CPA4: variants seen among roughly 807,000 people sequenced by gnomAD.
CPA4 encodes the protein carboxypeptidase A3.
Under a neutral mutation model 54.7 loss-of-function variants are expected in CPA4, and 49 were observed. The observed-to-expected ratio is 0.90, with a 90% CI of 0.71 to 1.14. CPA4 has a LOEUF of 1.14. CPA4 is among the 50% of genes most tolerant of loss of function. The pLI is 0.00. For missense variants in CPA4, 487 were observed against 525.1 expected (o/e 0.93, Z 0.71); for synonymous variants, 215 against 206.8 (o/e 1.04, Z -0.34).
Position 130,298,804 on chromosome 7 carries a change from C to T in CPA4, c.127C>T (p.Leu43=). The T allele has an allele frequency of 6.2e-7, 1 of 1,609,840 alleles. No homozygotes were observed. The highest frequency in any genetic ancestry group is 1.1e-5 in the South Asian group (1 of 90,982). ...NGDEISKLSQ[L]VNSNNLKLNF... ...AGACGAGATCAGCAAATTGAGTCAA[C>T]TAGTGAATTCAAACAACTTGAAGGT... Residue 43 remains leucine, a synonymous_variant, in exon 2 of 11, where the codon CTA becomes TTA. Coordinates refer to ENST00000222482, the MANE Select transcript of CPA4 (RefSeq NM_016352.4).
At chr7:130,306,404 CT>C (rs1448791816) in intron 6 of CPA4, 2 of 225,476 alleles carry the variant, frequency 8.9e-6, no homozygotes, top group Non-Finnish European at 8.6e-6. Flanking sequence ...GAAAGAAAGT[CT>C]GCTGGGAGGG....
At chr7:130,319,712 G>A (rs1190318156) in intron 10 of CPA4, among the ~76,000 whole-genome samples, 1 of 152,168 alleles carries the variant, frequency 6.6e-6, no homozygotes, top group Non-Finnish European at 1.5e-5. Flanking sequence ...AACAAAGCTT[G>A]TCTTATTAAG....
At chr7:130,320,183 C>T (rs117396517) in intron 10 of CPA4, among the ~76,000 whole-genome samples, 133 of 152,158 alleles carry the variant, frequency 8.7e-4, no homozygotes, top group East Asian at 3.9e-3. Context: ...GATCTATGTG[C>T]GCTAAAAGGG....
chr7:130,300,504 T>C (rs778118354), intron 3 of CPA4, among the ~76,000 whole-genome samples: 1 of 151,514 alleles, frequency 6.6e-6, no homozygotes, highest in Non-Finnish European at 1.5e-5. Flanking sequence ...CCCAGCAAAT[T>C]TTTGTATTTT....
At position 130,322,859 on chromosome 7, in the gene CPA4, T is replaced by C. The variant is rs537664174; in HGVS notation, c.*183T>C. 2.9e-4 allele frequency: 149 copies of C among 518,794 alleles called. No individual in the cohort carries two copies. Among genetic ancestry groups the C allele is most frequent in the African/African-American group, 2.7e-3 (140 of 52,128 alleles). 32.1% of individuals were successfully genotyped at this position (518,794 alleles called of 1,614,324 possible). A position where few individuals can be genotyped will look rare whatever the true frequency, so the allele number is the denominator to read the frequency against. ...GTCCTGGCAGTGTCCCTGCAAGAAC[T>C]GGTTCTGCCAGCCTGCTCAATTTTG... On this transcript the variant is annotated 3_prime_UTR_variant, in exon 11 of 11. Coordinates refer to ENST00000222482, the MANE Select transcript of CPA4 (RefSeq NM_016352.4).
chr7:130,308,135 C>G, intron 7 of CPA4, 172 bp from the exon 8 acceptor site: 1 of 625,604 alleles, frequency 1.6e-6, no homozygotes, highest in Non-Finnish European at 2.9e-6. Flanking sequence ...AGGGGAAATA[C>G]TCCTCTCTCT....
At chr7:130,299,598 C>A (rs995939991) in intron 3 of CPA4, 194 bp downstream of exon 3, 5 of 559,050 alleles carry the variant, frequency 8.9e-6, no homozygotes, top group Admixed American at 6.0e-5. Context: ...CATAAATAGG[C>A]CAGGGAACCA....
chr7:130,295,885 A>G (rs1459801605), intron 1 of CPA4, among the ~76,000 whole-genome samples: 1 of 152,228 alleles, frequency 6.6e-6, no homozygotes, highest in Non-Finnish European at 1.5e-5. Flanking sequence ...AGGCTGAGGC[A>G]GGAGAATCAC....
intron 4 of CPA4, among the ~76,000 whole-genome samples, chr7:130,302,087 G>A (rs1793747283): frequency 6.6e-6 from 1 of 152,200 alleles, no homozygotes; most frequent in Admixed American, 6.5e-5. Flanking sequence ...TTTGCAGCCT[G>A]GCTTACAGCA....
chr7:130,299,854 T>C (rs1287055165), intron 3 of CPA4: 2 of 167,990 alleles, frequency 1.2e-5, no homozygotes, highest in Non-Finnish European at 2.6e-5. Flanking sequence ...TTGAAGTCCT[T>C]CCAGGTGGCA....
intron 1 of CPA4, among the ~76,000 whole-genome samples, chr7:130,297,277 CT>C (rs1793664537): frequency 1.3e-5 from 2 of 152,132 alleles, no homozygotes; most frequent in African/African-American, 4.8e-5. Flanking sequence ...ACATCGGTCC[CT>C]TTTTTTCAAT....
chr7:130,299,153 G>A (rs1793700554), intron 2 of CPA4, 117 bp from the exon 3 acceptor site: 2 of 1,123,968 alleles, frequency 1.8e-6, no homozygotes, highest in African/African-American at 1.5e-5. Context: ...TTGCCCTTGG[G>A]CAGAGCCTAG....
intron 8 of CPA4, 22 bp downstream of exon 8, chr7:130,308,419 C>G: frequency 6.3e-7 from 1 of 1,596,160 alleles, no homozygotes; most frequent in East Asian, 2.2e-5. Context: ...GGAGACAGTT[C>G]TCAAATCCTG....
rs867590028 is a variant in CPA4, at chr7:130,298,965, A to G, written c.150+138A>G. On this transcript the variant is annotated intron_variant, in intron 2 of 10. Transcript: ENST00000222482. ...TGGGAGTCCACTTGCCATTTATACAATTGAGGGGGCTGATGGGAGAGAGGG... is the reference window on the plus strand; with the variant it reads ...TGGGAGTCCACTTGCCATTTATACAGTTGAGGGGGCTGATGGGAGAGAGGG... The G allele has an allele frequency of 3.6e-5, 23 of 647,178 alleles. No homozygotes were observed. In the African/African-American group the frequency reaches 3.8e-4, roughly 11 times the overall value. 40.1% of individuals were successfully genotyped at this position (647,178 alleles called of 1,614,324 possible). A position where few individuals can be genotyped will look rare whatever the true frequency, so the allele number is the denominator to read the frequency against.
chr7:130,310,062 C>T lies in CPA4; in HGVS notation c.794-725C>T, dbSNP rs370351213. The stretch of plus-strand genomic sequence containing the variant: ...GATTATAGACATGAGGCACTGTGCC[C>T]GGCCCCGATGGTTTGTTTTTAATGT... On this transcript the variant is annotated intron_variant, in intron 8 of 10. Coordinates refer to ENST00000222482, the MANE Select transcript of CPA4 (RefSeq NM_016352.4). The surrounding 1 kb of genome is among the most constrained non-coding windows in gnomAD (Gnocchi z 4.3). Among the ~76,000 whole-genome samples, 9 of 152,236 alleles carry T rather than the reference C, an allele frequency of 5.9e-5. 1 individual carries two copies. Among genetic ancestry groups the T allele is most frequent in the Non-Finnish European group, 5.9e-5 (4 of 68,028 alleles).
rs1793728731 is a variant in CPA4, at chr7:130,300,812, T to C, written c.286-4T>C. The C allele has an allele frequency of 1.9e-6, 3 of 1,608,012 alleles. No homozygotes were observed. Among genetic ancestry groups the C allele is most frequent in the Non-Finnish European group, 2.6e-6 (3 of 1,174,578 alleles). On this transcript the variant is annotated splice_region_variant and splice_polypyrimidine_tract_variant and intron_variant, in intron 3 of 10. Transcript: ENST00000222482. ...CACTTCACAACATTGCTGTGTGTTT[T>C]CAGGCCCTTTTAGACAATGAAGATG...
In CPA4 at chr7:130,308,379, T is replaced by G. The variant is rs751292238; in HGVS notation, c.775T>G (p.Trp259Gly). Residue 259 changes from tryptophan (W) to glycine (G), a missense_variant, in exon 8 of 11, where the codon TGG becomes GGG. By Grantham distance (184) the Trp-to-Gly change is radical. Coordinates refer to ENST00000222482, the MANE Select transcript of CPA4 (RefSeq NM_016352.4). The stretch of plus-strand genomic sequence containing the variant: ...CATTGGTGCTGACCCAAATAGAAAC[T>G]GGAACGCTAGTTTTGCAGGTAGGCG... ...SCIGADPNRN[W>G]NASFAGKGAS... 3.1e-6 allele frequency: 5 copies of G among 1,613,922 alleles called. No homozygotes were observed. In the Admixed American group the frequency reaches 8.3e-5, roughly 27 times the overall value.
chr7:130,323,895 T>TTG lies in CPA4; in HGVS notation c.*1259_*1260dup, dbSNP rs57842029. On this transcript the variant is annotated 3_prime_UTR_variant, in exon 11 of 11. Transcript: ENST00000222482. ...GTATCCTGTGTTTCCTTGTCCTGGT[T>TTG]TGTGTGTGTGTGTGTGTGTGTGTGT... 0.061 allele frequency: 8,918 copies of TTG among 145,066 alleles called. 203 individuals carry two copies. Among genetic ancestry groups the TTG allele is most frequent in the Non-Finnish European group, 0.085 (5,631 of 66,296 alleles). 9.0% of individuals were successfully genotyped at this position (145,066 alleles called of 1,614,324 possible).
At chr7:130,301,686 G>T (rs116907999) in intron 4 of CPA4, among the ~76,000 whole-genome samples, 7,085 of 152,208 alleles carry the variant, frequency 0.047, 223 homozygotes, top group Middle Eastern at 0.085. Context: ...ATTTCACAAG[G>T]CGTATACTTT....
Sources: allele counts gnomAD v4.1 joint callset (sites outside exome capture counted in the v4.1 genomes callset), GRCh38; gene constraint gnomAD v4.1.1; non-coding constraint Gnocchi (gnomAD v3.1); transcripts MANE v1.5; gene names NCBI Gene and HGNC (gene_info 2026-07-23, HGNC 2026-07-21).